JAK2: variants seen among roughly 807,000 people sequenced by gnomAD.
The protein encoded by JAK2 is tyrosine-protein kinase JAK2.
A neutral mutation model predicts 139.3 loss-of-function variants in JAK2; 86 were observed. That is an observed-to-expected ratio of 0.62 (90% CI 0.52 to 0.74). JAK2 has a LOEUF of 0.74. Ranked by LOEUF, JAK2 falls within the 30% of genes least tolerant of loss-of-function variation. The pLI is 0.00. For synonymous variants in JAK2, 490 were observed against 437.7 expected (o/e 1.12, Z -1.49); for missense variants, 1,421 against 1,360.3 (o/e 1.04, Z -0.70).
At chr9:5,093,495 G>A (rs2130700098) in intron 22 of JAK2, among the ~76,000 whole-genome samples, 1 of 152,290 alleles carries the variant, frequency 6.6e-6, no homozygotes, top group East Asian at 1.9e-4. Flanking sequence ...ACCTATTGGT[G>A]AAGAGGAGCT....
intron 15 of JAK2, 81 bp downstream of exon 15, chr9:5,077,661 AAAAT>A: frequency 3.3e-6 from 3 of 899,330 alleles, no homozygotes; most frequent in Non-Finnish European, 4.7e-6. Flanking sequence ...CTGGAAACAA[AAAAT>A]AAATCTGTAA....
In JAK2 at chr9:5,086,497, C is replaced by G. The variant is rs868619067; in HGVS notation, c.2572-3177C>G. Among the ~76,000 whole-genome samples the G allele has an allele frequency of 5.3e-5, 8 of 152,154 alleles. No homozygotes were observed. In the South Asian group the frequency reaches 1.7e-3, roughly 31 times the overall value. On this transcript the variant is annotated intron_variant, in intron 19 of 24. Coordinates refer to ENST00000381652, the MANE Select transcript of JAK2 (RefSeq NM_004972.4). ...TATTTTCCTCTCTTCCCATCATTAG[C>G]TAACATCTTGGTCCACATTCCTTGA... is the stretch of plus-strand genomic sequence containing the variant.
intron 22 of JAK2, chr9:5,110,900 C>G (rs1432739506): frequency 1.8e-6 from 1 of 550,756 alleles, no homozygotes; most frequent in Admixed American, 2.2e-5. Context: ...GATGCCCGCT[C>G]TGGCCCCAAG....
chr9:5,072,833 T>C (rs576816457), intron 13 of JAK2, among the ~76,000 whole-genome samples: 41 of 152,330 alleles, frequency 2.7e-4, no homozygotes, highest in African/African-American at 9.4e-4. Context: ...AAACTAATTA[T>C]GTTTAGCATT....
intron 2 of JAK2, among the ~76,000 whole-genome samples, chr9:5,012,572 G>C (rs1329418375): frequency 6.6e-6 from 1 of 152,018 alleles, no homozygotes; most frequent in East Asian, 1.9e-4. Flanking sequence ...CCTTGGTCTG[G>C]AGATCCCGAA....
At position 5,069,029 on chromosome 9, in the gene JAK2, A is replaced by G. The variant is rs754833218; in HGVS notation, c.1334A>G (p.Asn445Ser). 1.9e-6 allele frequency: 3 copies of G among 1,572,512 alleles called. No individual in the cohort carries two copies. In the African/African-American group the frequency reaches 4.1e-5, roughly 22 times the overall value. ...ATAATTAAACTTATACAGCGAGAAA[A>G]TGTCATTGAATATAAACACTGTTTG... is the stretch of plus-strand genomic sequence containing the variant. ...YFLTFAVERE[N>S]VIEYKHCLIT... is the part of the protein sequence containing the mutation. The change falls in exon 11 of 25, where the codon AAT (asparagine) becomes AGT (serine). Residue 445 changes from asparagine to serine, a missense_variant. Asn to Ser is a conservative substitution (Grantham distance 46). Coordinates refer to ENST00000381652, the MANE Select transcript of JAK2 (RefSeq NM_004972.4).
At chr9:5,119,953 T>C (rs2130841842) in intron 22 of JAK2, among the ~76,000 whole-genome samples, 1 of 152,286 alleles carries the variant, frequency 6.6e-6, no homozygotes, top group Middle Eastern at 3.4e-3. Context: ...ATAAAATAAG[T>C]TTGAGCTAAC....
intron 19 of JAK2, among the ~76,000 whole-genome samples, chr9:5,087,234 TAC>T (rs753545082): frequency 3.9e-5 from 6 of 152,176 alleles, no homozygotes; most frequent in Non-Finnish European, 7.3e-5. Flanking sequence ...TCAGGAAACT[TAC>T]AGTCATGGCA....
chr9:5,115,138 T>C (rs1361438010), intron 22 of JAK2, among the ~76,000 whole-genome samples: 3 of 151,934 alleles, frequency 2.0e-5, no homozygotes, highest in Admixed American at 1.3e-4. Flanking sequence ...ACCTACAGAA[T>C]GGGAAAAATT....
rs1820365304 is a variant in JAK2 at position 5,089,193 on chromosome 9, G to C, written c.2572-481G>C. Among the ~76,000 whole-genome samples the C allele has an allele frequency of 2.6e-5, 4 of 152,110 alleles. No individual in the cohort carries two copies. The South Asian group carries it at 8.3e-4, about 32-fold the overall frequency. On this transcript the variant is annotated intron_variant, in intron 19 of 24. Transcript: ENST00000381652. Reference sequence around the variant, plus strand: ...AAATTTACAGATTTACTACCCACCTGTTGAGATAGTATTTCCTTTTCTTGT... The same window carrying C: ...AAATTTACAGATTTACTACCCACCTCTTGAGATAGTATTTCCTTTTCTTGT...
chr9:5,101,570 G>C (rs567261742), intron 22 of JAK2, among the ~76,000 whole-genome samples: 1 of 152,262 alleles, frequency 6.6e-6, no homozygotes, highest in East Asian at 1.9e-4. Flanking sequence ...TGGACAGACT[G>C]CCTCAGGTGG....
chr9:5,010,296 G>A (rs552709944), intron 2 of JAK2, among the ~76,000 whole-genome samples: 3 of 150,130 alleles, frequency 2.0e-5, no homozygotes, highest in South Asian at 2.1e-4. Flanking sequence ...ACCATACACC[G>A]TTATTATTCA....
At chr9:5,062,905 T>C (rs1196984630) in intron 8 of JAK2, among the ~76,000 whole-genome samples, 1 of 152,178 alleles carries the variant, frequency 6.6e-6, no homozygotes, top group Non-Finnish European at 1.5e-5. Flanking sequence ...TGACTAGTTT[T>C]CTTTTTTTAT....
At chr9:5,062,317 T>G (rs561775101) in intron 8 of JAK2, among the ~76,000 whole-genome samples, 1 of 152,014 alleles carries the variant, frequency 6.6e-6, no homozygotes, top group East Asian at 1.9e-4. Context: ...GGGACAACTG[T>G]ACAATAGTTA....
chr9:5,111,003 C>T (rs1212679107), intron 22 of JAK2: 9 of 712,428 alleles, frequency 1.3e-5, no homozygotes, highest in Non-Finnish European at 2.2e-5. Context: ...TGCCCGTTGC[C>T]AACGGGAAGG....
Position 5,126,799 on chromosome 9 carries a change from G to T in JAK2, c.*8G>T. 6.4e-7 allele frequency: 1 copy of T among 1,565,374 alleles called. No individual in the cohort carries two copies. Among genetic ancestry groups the T allele is most frequent in the South Asian group, 1.1e-5 (1 of 89,180 alleles). ...GATAACATGGCTGGATGAAAGAAAT[G>T]ACCTTCATTCTGAGACCAAAGTAGA... On this transcript the variant is annotated 3_prime_UTR_variant, in exon 25 of 25. Transcript: ENST00000381652.
Position 5,129,620 on chromosome 9 carries a change from G to A in JAK2, c.*2829G>A, listed in dbSNP as rs1402177641. On this transcript the variant is annotated 3_prime_UTR_variant, in exon 25 of 25. Coordinates refer to ENST00000381652, the MANE Select transcript of JAK2 (RefSeq NM_004972.4). ...CAAAAGACTAGGTTTTATGAGATAA[G>A]CTTGATTTAAGAAAAAAACAATTAA... Among the ~76,000 whole-genome samples, 1 of 152,082 alleles carries A rather than the reference G, an allele frequency of 6.6e-6. No homozygotes were observed. The highest frequency in any genetic ancestry group is 1.5e-5 in the Non-Finnish European group (1 of 67,960).
chr9:5,075,790 T>C (rs966021995), intron 14 of JAK2, among the ~76,000 whole-genome samples: 4 of 152,184 alleles, frequency 2.6e-5, no homozygotes, highest in African/African-American at 9.7e-5. Context: ...ATCTAAGAAA[T>C]ACATTTTGTA....
intron 2 of JAK2, among the ~76,000 whole-genome samples, chr9:5,010,751 C>A (rs7852988): frequency 0.62 from 93,677 of 152,090 alleles, 31,031 homozygotes; most frequent in African/African-American, 0.88. Context: ...CTTTAATCCA[C>A]ATGATTTTCT....
Sources: allele counts gnomAD v4.1 joint callset (sites outside exome capture counted in the v4.1 genomes callset), GRCh38; gene constraint gnomAD v4.1.1; transcripts MANE v1.5; gene names NCBI Gene and HGNC (gene_info 2026-07-23, HGNC 2026-07-21).